The following HULC variants were observed in gnomAD, a reference collection of about 807,000 sequenced individuals.
The protein encoded by HULC is hepatocellular carcinoma associated transcript 1 (non-protein coding).
rs1383211213 is a variant in HULC at position 8,653,770 on chromosome 6, G to A, written n.313+106556G>A. ...ATCAAAGAAAAAAATTGGGAAGCATGGCAAAATATCATCAAAACTGAAACT... is the reference window on the plus strand; with the variant it reads ...ATCAAAGAAAAAAATTGGGAAGCATAGCAAAATATCATCAAAACTGAAACT... On this transcript the variant is annotated intron_variant and non_coding_transcript_variant, in intron 3 of 8. Coordinates refer to ENST00000645747, the Ensembl canonical transcript of HULC. This position sits in a 1 kb window ranked among gnomAD's most constrained non-coding sequence, Gnocchi z 4.3. The A allele has an allele frequency of 6.6e-6, 1 of 151,974 alleles. No homozygotes were observed. The highest frequency in any genetic ancestry group is 1.5e-5 in the Non-Finnish European group (1 of 67,966). The allele number at this position is 151,974 out of a possible 1,614,324, so 9.4% of individuals were successfully genotyped here. A position where few individuals can be genotyped will look rare whatever the true frequency, so the allele number is the denominator to read the frequency against.
rs1767312131 is a variant in HULC at position 8,652,390 on chromosome 6, A to G, written n.313+105176A>G. On this transcript the variant is annotated intron_variant and non_coding_transcript_variant, in intron 3 of 8. Coordinates refer to ENST00000645747, the Ensembl canonical transcript of HULC. This position sits in a 1 kb window ranked among gnomAD's most constrained non-coding sequence, Gnocchi z 5.0. Reference sequence around the variant, plus strand: ...ATTTCAACCTCCAGAACTGTGATCCAGTAAGTGTTGTTTAAGCCACCCAGT... The same window carrying G: ...ATTTCAACCTCCAGAACTGTGATCCGGTAAGTGTTGTTTAAGCCACCCAGT... The G allele has an allele frequency of 6.6e-6, 1 of 152,288 alleles. No individual in the cohort carries two copies. The highest frequency in any genetic ancestry group is 2.4e-5 in the African/African-American group (1 of 41,452). 9.4% of individuals were successfully genotyped at this position (152,288 alleles called of 1,614,324 possible).
chr6:8,653,718 T>C lies in HULC; in HGVS notation n.313+106504T>C, dbSNP rs546895689. The C allele has an allele frequency of 5.3e-5, 8 of 152,304 alleles. No homozygotes were observed. The East Asian group carries it at 1.2e-3, about 22-fold the overall frequency. The allele number at this position is 152,304 out of a possible 1,614,324, so 9.4% of individuals were successfully genotyped here. A position where few individuals can be genotyped will look rare whatever the true frequency, so the allele number is the denominator to read the frequency against. ...TTAAGTGTTCAACCTGTGGCAAATT[T>C]GTACTTTCTCCCTGAATTATGTTGT... is the stretch of plus-strand genomic sequence containing the variant. On this transcript the variant is annotated intron_variant and non_coding_transcript_variant, in intron 3 of 8. Transcript: ENST00000645747. The surrounding 1 kb of genome is among the most constrained non-coding windows in gnomAD (Gnocchi z 4.3).
At position 8,653,200 on chromosome 6, in the gene HULC, A is replaced by G. The variant is rs1361308598; in HGVS notation, n.313+105986A>G. Reference sequence around the variant, plus strand: ...AAACCATTTAGGGAACAATGTATTCACTTGCTAAAGATCAACCAACTTGTT... The same window carrying G: ...AAACCATTTAGGGAACAATGTATTCGCTTGCTAAAGATCAACCAACTTGTT... On this transcript the variant is annotated intron_variant and non_coding_transcript_variant, in intron 3 of 8. Transcript: ENST00000645747. The surrounding 1 kb of genome is among the most constrained non-coding windows in gnomAD (Gnocchi z 4.3). The G allele has an allele frequency of 1.3e-5, 2 of 152,224 alleles. No individual in the cohort carries two copies. The highest frequency in any genetic ancestry group is 4.8e-5 in the African/African-American group (2 of 41,466). The allele number at this position is 152,224 out of a possible 1,614,324, so 9.4% of individuals were successfully genotyped here.
Position 8,653,822 on chromosome 6 carries a change from G to C in HULC, n.313+106608G>C, listed in dbSNP as rs1767337439. The C allele has an allele frequency of 6.6e-6, 1 of 152,044 alleles. No individual in the cohort carries two copies. The highest frequency in any genetic ancestry group is 6.6e-5 in the Admixed American group (1 of 15,262). The allele number at this position is 152,044 out of a possible 1,614,324, so 9.4% of individuals were successfully genotyped here. On this transcript the variant is annotated intron_variant and non_coding_transcript_variant, in intron 3 of 8. Coordinates refer to ENST00000645747, the Ensembl canonical transcript of HULC. The surrounding 1 kb of genome is among the most constrained non-coding windows in gnomAD (Gnocchi z 4.3). ...GAATTAAACAAAACTAAATTAAAAT[G>C]AAATAAAATGATGTCCATTCTTAAT...
At position 8,652,715 on chromosome 6, in the gene HULC, C is replaced by G. The variant is rs1767318209; in HGVS notation, n.313+105501C>G. On this transcript the variant is annotated intron_variant and non_coding_transcript_variant, in intron 3 of 8. Transcript: ENST00000645747. This position sits in a 1 kb window ranked among gnomAD's most constrained non-coding sequence, Gnocchi z 5.0. ...TGCTGGAGAAGCTGGAGCTTTTCCT[C>G]ATGGAGCTAAATCTGCTGCTGCCAT... The G allele has an allele frequency of 6.6e-6, 1 of 152,264 alleles. No homozygotes were observed. The highest frequency in any genetic ancestry group is 6.5e-5 in the Admixed American group (1 of 15,278). The allele number at this position is 152,264 out of a possible 1,614,324, so 9.4% of individuals were successfully genotyped here.
rs1767332878 is a variant in HULC, at chr6:8,653,551, A to G, written n.313+106337A>G. ...CTTTCTTTCCTCTTCCTAGAAATGC[A>G]TATGTATCTTTGGAAGAAACTCTGA... On this transcript the variant is annotated intron_variant and non_coding_transcript_variant, in intron 3 of 8. Transcript: ENST00000645747. This position sits in a 1 kb window ranked among gnomAD's most constrained non-coding sequence, Gnocchi z 4.3. 1 of 152,198 alleles carries G rather than the reference A, an allele frequency of 6.6e-6. No individual in the cohort carries two copies. Among genetic ancestry groups the G allele is most frequent in the Non-Finnish European group, 1.5e-5 (1 of 68,030 alleles). 9.4% of individuals were successfully genotyped at this position (152,198 alleles called of 1,614,324 possible).
At position 8,653,454 on chromosome 6, in the gene HULC, G is replaced by A. The variant is rs1328865; in HGVS notation, n.313+106240G>A. The stretch of plus-strand genomic sequence containing the variant: ...AATATGGTCTTGGGAAGCTGAAAAT[G>A]CTAACTGAAACAAGCAGGACAGGGG... On this transcript the variant is annotated intron_variant and non_coding_transcript_variant, in intron 3 of 8. Transcript: ENST00000645747. This position sits in a 1 kb window ranked among gnomAD's most constrained non-coding sequence, Gnocchi z 4.3. 0.48 allele frequency: 73,305 copies of A among 151,750 alleles called. 18,021 individuals carry two copies. Among genetic ancestry groups the A allele is most frequent in the African/African-American group, 0.53 (21,712 of 41,350 alleles). 9.4% of individuals were successfully genotyped at this position (151,750 alleles called of 1,614,324 possible).
Position 8,652,740 on chromosome 6 carries a change from T to G in HULC, n.313+105526T>G, listed in dbSNP as rs1767318359. 6.6e-6 allele frequency: 1 copy of G among 152,212 alleles called. No individual in the cohort carries two copies. The highest frequency in any genetic ancestry group is 2.4e-5 in the African/African-American group (1 of 41,408). The allele number at this position is 152,212 out of a possible 1,614,324, so 9.4% of individuals were successfully genotyped here. On this transcript the variant is annotated intron_variant and non_coding_transcript_variant, in intron 3 of 8. Transcript: ENST00000645747. The surrounding 1 kb of genome is among the most constrained non-coding windows in gnomAD (Gnocchi z 5.0). ...CATGGAGCTAAATCTGCTGCTGCCATGGGTGTGATAAGCTGAAGGAGGGGA... is the reference window on the plus strand; with the variant it reads ...CATGGAGCTAAATCTGCTGCTGCCAGGGGTGTGATAAGCTGAAGGAGGGGA...
chr6:8,652,668 A>G lies in HULC; in HGVS notation n.313+105454A>G, dbSNP rs1445021291. 1 of 152,266 alleles carries G rather than the reference A, an allele frequency of 6.6e-6. No individual in the cohort carries two copies. Among genetic ancestry groups the G allele is most frequent in the Non-Finnish European group, 1.5e-5 (1 of 68,086 alleles). The allele number at this position is 152,266 out of a possible 1,614,324, so 9.4% of individuals were successfully genotyped here. A position where few individuals can be genotyped will look rare whatever the true frequency, so the allele number is the denominator to read the frequency against. ...CCCCTCTTACCACCTGTTAGCCTCC[A>G]TCTTTGATTATGGAATCGATTTGCT... On this transcript the variant is annotated intron_variant and non_coding_transcript_variant, in intron 3 of 8. Transcript: ENST00000645747. The surrounding 1 kb of genome is among the most constrained non-coding windows in gnomAD (Gnocchi z 5.0).
Position 8,653,320 on chromosome 6 carries a change from C to G in HULC, n.313+106106C>G, listed in dbSNP as rs1266126056. On this transcript the variant is annotated intron_variant and non_coding_transcript_variant, in intron 3 of 8. Transcript: ENST00000645747. This position sits in a 1 kb window ranked among gnomAD's most constrained non-coding sequence, Gnocchi z 4.3. ...AGAGTTATATAAAATTGATGCTTTTCTCTCTTTTTTTTAATCATTGAAAAG... is the reference window on the plus strand; with the variant it reads ...AGAGTTATATAAAATTGATGCTTTTGTCTCTTTTTTTTAATCATTGAAAAG... 6.6e-6 allele frequency among the ~76,000 whole-genome samples: 1 copy of G among 152,044 alleles called. No homozygotes were observed. The highest frequency in any genetic ancestry group is 1.5e-5 in the Non-Finnish European group (1 of 68,000).
At position 8,653,838 on chromosome 6, in the gene HULC, C is replaced by T. The variant is rs752407426; in HGVS notation, n.313+106624C>T. 3.3e-5 allele frequency: 5 copies of T among 152,000 alleles called. No individual in the cohort carries two copies. Among genetic ancestry groups the T allele is most frequent in the Admixed American group, 2.0e-4 (3 of 15,264 alleles). 9.4% of individuals were successfully genotyped at this position (152,000 alleles called of 1,614,324 possible). On this transcript the variant is annotated intron_variant and non_coding_transcript_variant, in intron 3 of 8. Coordinates refer to ENST00000645747, the Ensembl canonical transcript of HULC. This position sits in a 1 kb window ranked among gnomAD's most constrained non-coding sequence, Gnocchi z 4.3. ...AATTAAAATGAAATAAAATGATGTC[C>T]ATTCTTAATTCATCCTCACAACTGG...
rs984304630 is a variant in HULC, at chr6:8,652,846, G to A, written n.313+105632G>A. 3.3e-5 allele frequency: 5 copies of A among 152,268 alleles called. No homozygotes were observed. Among genetic ancestry groups the A allele is most frequent in the African/African-American group, 1.2e-4 (5 of 41,452 alleles). 9.4% of individuals were successfully genotyped at this position (152,268 alleles called of 1,614,324 possible). Reference sequence around the variant, plus strand: ...TGGCACTGGGACAACCATGTATGCTGTCTGAAGCACAGCCTGACGCCCCTG... The same window carrying A: ...TGGCACTGGGACAACCATGTATGCTATCTGAAGCACAGCCTGACGCCCCTG... On this transcript the variant is annotated intron_variant and non_coding_transcript_variant, in intron 3 of 8. Transcript: ENST00000645747. This position sits in a 1 kb window ranked among gnomAD's most constrained non-coding sequence, Gnocchi z 5.0.
chr6:8,653,733 A>G lies in HULC; in HGVS notation n.313+106519A>G, dbSNP rs977075567. The G allele has an allele frequency of 1.3e-5, 2 of 152,180 alleles. No individual in the cohort carries two copies. Among genetic ancestry groups the G allele is most frequent in the Non-Finnish European group, 2.9e-5 (2 of 68,030 alleles). 9.4% of individuals were successfully genotyped at this position (152,180 alleles called of 1,614,324 possible). On this transcript the variant is annotated intron_variant and non_coding_transcript_variant, in intron 3 of 8. Coordinates refer to ENST00000645747, the Ensembl canonical transcript of HULC. The surrounding 1 kb of genome is among the most constrained non-coding windows in gnomAD (Gnocchi z 4.3). ...GTGGCAAATTTGTACTTTCTCCCTGAATTATGTTGTTATCAAAGAAAAAAA... is the reference window on the plus strand; with the variant it reads ...GTGGCAAATTTGTACTTTCTCCCTGGATTATGTTGTTATCAAAGAAAAAAA...
chr6:8,652,560 G>A lies in HULC; in HGVS notation n.313+105346G>A, dbSNP rs189307774. On this transcript the variant is annotated intron_variant and non_coding_transcript_variant, in intron 3 of 8. Transcript: ENST00000645747. The surrounding 1 kb of genome is among the most constrained non-coding windows in gnomAD (Gnocchi z 5.0). Reference sequence around the variant, plus strand: ...GGGGCAGGAAGTTGGGAGAAAAGAGGGCGTGAAATAGAGAGGGGTTCGAAC... The same window carrying A: ...GGGGCAGGAAGTTGGGAGAAAAGAGAGCGTGAAATAGAGAGGGGTTCGAAC... 2.0e-4 allele frequency: 30 copies of A among 152,698 alleles called. No individual in the cohort carries two copies. The East Asian group carries it at 5.8e-3, about 29-fold the overall frequency. 9.5% of individuals were successfully genotyped at this position (152,698 alleles called of 1,614,324 possible).
chr6:8,653,336 C>T lies in HULC; in HGVS notation n.313+106122C>T, dbSNP rs1262709843. 6.6e-6 allele frequency among the ~76,000 whole-genome samples: 1 copy of T among 151,676 alleles called. No individual in the cohort carries two copies. The highest frequency in any genetic ancestry group is 2.4e-5 in the African/African-American group (1 of 41,258). On this transcript the variant is annotated intron_variant and non_coding_transcript_variant, in intron 3 of 8. Transcript: ENST00000645747. The surrounding 1 kb of genome is among the most constrained non-coding windows in gnomAD (Gnocchi z 4.3). Reference sequence around the variant, plus strand: ...GATGCTTTTCTCTCTTTTTTTTAATCATTGAAAAGTGAATGGAGAGACCCT... The same window carrying T: ...GATGCTTTTCTCTCTTTTTTTTAATTATTGAAAAGTGAATGGAGAGACCCT...
chr6:8,653,394 A>G lies in HULC; in HGVS notation n.313+106180A>G, dbSNP rs1346719001. ...TTTTGCTGGACAGCTTACAAATTCTAGATACATCAGAGCTCTTACATACAG... is the reference window on the plus strand; with the variant it reads ...TTTTGCTGGACAGCTTACAAATTCTGGATACATCAGAGCTCTTACATACAG... On this transcript the variant is annotated intron_variant and non_coding_transcript_variant, in intron 3 of 8. Coordinates refer to ENST00000645747, the Ensembl canonical transcript of HULC. This position sits in a 1 kb window ranked among gnomAD's most constrained non-coding sequence, Gnocchi z 4.3. 6.6e-6 allele frequency among the ~76,000 whole-genome samples: 1 copy of G among 152,118 alleles called. No individual in the cohort carries two copies. Among genetic ancestry groups the G allele is most frequent in the Non-Finnish European group, 1.5e-5 (1 of 68,010 alleles).
rs977108218 is a variant in HULC at position 8,653,416 on chromosome 6, A to C, written n.313+106202A>C. On this transcript the variant is annotated intron_variant and non_coding_transcript_variant, in intron 3 of 8. Coordinates refer to ENST00000645747, the Ensembl canonical transcript of HULC. The surrounding 1 kb of genome is among the most constrained non-coding windows in gnomAD (Gnocchi z 4.3). ...TCTAGATACATCAGAGCTCTTACAT[A>C]CAGATGTAGAACAATATGGTCTTGG... The C allele has an allele frequency of 2.0e-5, 3 of 152,088 alleles. No homozygotes were observed. Among genetic ancestry groups the C allele is most frequent in the Non-Finnish European group, 4.4e-5 (3 of 68,004 alleles). 9.4% of individuals were successfully genotyped at this position (152,088 alleles called of 1,614,324 possible). A position where few individuals can be genotyped will look rare whatever the true frequency, so the allele number is the denominator to read the frequency against.
rs368667096 is a variant in HULC, at chr6:8,653,496, A to T, written n.313+106282A>T. On this transcript the variant is annotated intron_variant and non_coding_transcript_variant, in intron 3 of 8. Coordinates refer to ENST00000645747, the Ensembl canonical transcript of HULC. The surrounding 1 kb of genome is among the most constrained non-coding windows in gnomAD (Gnocchi z 4.3). The stretch of plus-strand genomic sequence containing the variant: ...GGACAGGGGATGAGTCAAGTGATTA[A>T]TTTTTTATGATGATAGATGTCTTAC... The T allele has an allele frequency of 2.0e-5, 3 of 152,214 alleles. No homozygotes were observed. The highest frequency in any genetic ancestry group is 3.9e-4 in the East Asian group (2 of 5,158). 9.4% of individuals were successfully genotyped at this position (152,214 alleles called of 1,614,324 possible).
Position 8,653,540 on chromosome 6 carries a change from C to T in HULC, n.313+106326C>T, listed in dbSNP as rs1040666663. 2.6e-5 allele frequency: 4 copies of T among 152,058 alleles called. No homozygotes were observed. Among genetic ancestry groups the T allele is most frequent in the Non-Finnish European group, 4.4e-5 (3 of 68,008 alleles). 9.4% of individuals were successfully genotyped at this position (152,058 alleles called of 1,614,324 possible). On this transcript the variant is annotated intron_variant and non_coding_transcript_variant, in intron 3 of 8. Transcript: ENST00000645747. The surrounding 1 kb of genome is among the most constrained non-coding windows in gnomAD (Gnocchi z 4.3). ...GTCTTACAACTCTTTCTTTCCTCTT[C>T]CTAGAAATGCATATGTATCTTTGGA...
Sources: allele counts gnomAD v4.1 joint callset (sites outside exome capture counted in the v4.1 genomes callset), GRCh38; gene constraint gnomAD v4.1.1; non-coding constraint Gnocchi (gnomAD v3.1); transcripts MANE v1.5; gene names NCBI Gene and HGNC (gene_info 2026-07-23, HGNC 2026-07-21).